The following ART4 variants were observed in gnomAD, a reference collection of about 807,000 sequenced individuals.
ART4 encodes ecto-ADP-ribosyltransferase 4.
In ART4, 14 loss-of-function variants were observed where a neutral mutation model predicts 24.2. The observed-to-expected ratio is 0.58, with a 90% CI of 0.38 to 0.90. The LOEUF is 0.90. ART4 is among the 40% of genes least tolerant of loss of function. The probability of loss-of-function intolerance (pLI) is 0.00; values close to 1 mark genes in which losing one functional copy is unlikely to be tolerated. For missense variants in ART4, 356 were observed against 366.6 expected, an observed-to-expected ratio of 0.97 and a Z score of 0.24; for synonymous variants, 145 against 139.9, an observed-to-expected ratio of 1.04 and a Z score of -0.26.
intron 2 of ART4, among the ~76,000 whole-genome samples, chr12:14,830,986 G>A (rs1379666816): frequency 6.6e-6 from 1 of 151,552 alleles, no homozygotes; most frequent in African/African-American, 2.4e-5. Flanking sequence ...AAGATCACAA[G>A]GATTTCCAGT....
chr12:14,839,916 A>G (rs186393845), intron 2 of ART4, among the ~76,000 whole-genome samples: 5 of 152,278 alleles, frequency 3.3e-5, no homozygotes, highest in African/African-American at 1.2e-4. Flanking sequence ...AATATTTGGT[A>G]TATCACTTAG....
At chr12:14,832,240 C>G (rs1218151159) in intron 2 of ART4, among the ~76,000 whole-genome samples, 1 of 152,156 alleles carries the variant, frequency 6.6e-6, no homozygotes, top group Non-Finnish European at 1.5e-5. Context: ...CATCTTCTGT[C>G]TTCGCTTTCT....
intron 2 of ART4, among the ~76,000 whole-genome samples, chr12:14,832,065 TTCTCTGC>T (rs1476760177): frequency 6.6e-6 from 1 of 152,094 alleles, no homozygotes; most frequent in African/African-American, 2.4e-5. Context: ...CCTACTTGGT[TTCTCTGC>T]TTACCTCATT....
intron 2 of ART4, among the ~76,000 whole-genome samples, chr12:14,838,577 T>C (rs1240763475): frequency 6.6e-6 from 1 of 152,202 alleles, no homozygotes; most frequent in Admixed American, 6.5e-5. Context: ...CCTGTGTCTG[T>C]GGGGCAGATA....
At chr12:14,837,476 A>G (rs1950438379) in intron 2 of ART4, among the ~76,000 whole-genome samples, 1 of 152,206 alleles carries the variant, frequency 6.6e-6, no homozygotes, top group Admixed American at 6.5e-5. Flanking sequence ...ACACTAATTT[A>G]CCATTATTAT....
intron 2 of ART4, among the ~76,000 whole-genome samples, chr12:14,832,513 C>T (rs988844536): frequency 6.6e-6 from 1 of 152,148 alleles, no homozygotes; most frequent in African/African-American, 2.4e-5. Context: ...TATGTACCAC[C>T]TACTAACTAC....
At chr12:14,829,811 G>C (rs1227329796) in intron 2 of ART4, among the ~76,000 whole-genome samples, 1 of 152,078 alleles carries the variant, frequency 6.6e-6, no homozygotes, top group Admixed American at 6.5e-5. Context: ...AACACAGACT[G>C]AATGCTGATT....
rs746923412 is a variant in ART4 at position 14,840,767 on chromosome 12, C to A, written c.531G>T (p.Glu177Asp). 5 of 1,614,180 alleles carry A rather than the reference C, an allele frequency of 3.1e-6. No individual in the cohort carries two copies. In the Admixed American group the frequency reaches 5.0e-5, roughly 16 times the overall value. ...IQLLRKDSIM[E>D]NGTLCYEVHY... ...GCACCTCATAGCACAGAGTGCCATTCTCCATGATGCTGTCTTTCCTCAGCA... is the reference window on the plus strand; with the variant it reads ...GCACCTCATAGCACAGAGTGCCATTATCCATGATGCTGTCTTTCCTCAGCA... Residue 177 changes from glutamate to aspartate, a missense_variant, in exon 2 of 3, where the codon GAG (glutamate) becomes GAT (aspartate). Glu to Asp is a conservative substitution (Grantham distance 45, BLOSUM62 2). Transcript: ENST00000228936.
At chr12:14,830,115 T>A (rs1283890134) in intron 2 of ART4, among the ~76,000 whole-genome samples, 1 of 136,036 alleles carries the variant, frequency 7.4e-6, no homozygotes, top group African/African-American at 2.9e-5. Context: ...ACAATCCTGT[T>A]TGGAGTGTGT....
intron 1 of ART4, 200 bp from the exon 2 acceptor site, chr12:14,841,353 T>G (rs1179768597): frequency 2.0e-6 from 1 of 493,570 alleles, no homozygotes; most frequent in Admixed American, 3.8e-5. Flanking sequence ...GTTTGATAAA[T>G]AAATTACTGA....
Position 14,826,019 on chromosome 12 carries a change from T to C in ART4, c.*3352A>G, listed in dbSNP as rs1462340385. ...AGTACTCCTTACAGCACAGTCTCTG[T>C]TAACAGTTGCATGAATTTACACATA... On this transcript the variant is annotated 3_prime_UTR_variant, in exon 3 of 3. Coordinates refer to ENST00000228936, the MANE Select transcript of ART4 (RefSeq NM_021071.4). 6.6e-6 allele frequency: 1 copy of C among 152,240 alleles called. No homozygotes were observed. The highest frequency in any genetic ancestry group is 1.5e-5 in the Non-Finnish European group (1 of 68,040). The allele number at this position is 152,240 out of a possible 1,614,324, so 9.4% of individuals were successfully genotyped here.
chr12:14,829,184 A>G lies in ART4; in HGVS notation c.*187T>C. On this transcript the variant is annotated 3_prime_UTR_variant, in exon 3 of 3. Coordinates refer to ENST00000228936, the MANE Select transcript of ART4 (RefSeq NM_021071.4). ...AAGAGTACTTAGGGTGCCCAGATTG[A>G]AATAAGGCAAAGGGGTACAAGGAAA... 1 of 430,172 alleles carries G rather than the reference A, an allele frequency of 2.3e-6. No homozygotes were observed. Among genetic ancestry groups the G allele is most frequent in the Non-Finnish European group, 4.0e-6 (1 of 248,822 alleles). The allele number at this position is 430,172 out of a possible 1,614,324, so 26.6% of individuals were successfully genotyped here. A position where few individuals can be genotyped will look rare whatever the true frequency, so the allele number is the denominator to read the frequency against.
At position 14,843,188 on chromosome 12, in the gene ART4, A is replaced by C; in HGVS notation, c.-75T>G. 1 of 1,583,190 alleles carries C rather than the reference A, an allele frequency of 6.3e-7. No homozygotes were observed. Among genetic ancestry groups the C allele is most frequent in the South Asian group, 1.2e-5 (1 of 85,966 alleles). On this transcript the variant is annotated 5_prime_UTR_variant, in exon 1 of 3. Transcript: ENST00000228936. ...GATGAATTCTCAGAGTTCTCCTTTG[A>C]GGTTTTCTTTCAGTCTCATCCGTAA...
At chr12:14,835,075 C>G (rs562864132) in intron 2 of ART4, among the ~76,000 whole-genome samples, 2 of 152,150 alleles carry the variant, frequency 1.3e-5, no homozygotes, top group Admixed American at 6.5e-5. Context: ...AGTGGTCTTT[C>G]CAGTATCACG....
Position 14,843,034 on chromosome 12 carries a change from A to G in ART4, c.80T>C (p.Leu27Pro), listed in dbSNP as rs1346266971. The part of the protein sequence containing the change: ...VPPATMRIWL[L>P]GGLLPFLLLL... ...CAGCAGGAATGGCAGCAGGCCTCCA[A>G]GGAGCCAGATTCTCATCGTTGCAGG... Residue 27 changes from leucine to proline, a missense_variant, in exon 1 of 3, where the codon CTT becomes CCT. Physicochemically the swap from Leu to Pro is moderately conservative, Grantham distance 98 (BLOSUM62 -3). Coordinates refer to ENST00000228936, the MANE Select transcript of ART4 (RefSeq NM_021071.4). 1 of 1,614,090 alleles carries G rather than the reference A, an allele frequency of 6.2e-7. No individual in the cohort carries two copies. Among genetic ancestry groups the G allele is most frequent in the Non-Finnish European group, 8.5e-7 (1 of 1,179,984 alleles).
At chr12:14,830,665 A>ATATG (rs1950390340) in intron 2 of ART4, among the ~76,000 whole-genome samples, 2 of 90,952 alleles carry the variant, frequency 2.2e-5, no homozygotes, top group Non-Finnish European at 4.4e-5. Context: ...ATATATATAT[A>ATATG]TATATATATA....
intron 2 of ART4, 28 bp from the exon 3 acceptor site, chr12:14,829,490 T>C (rs1474026869): frequency 7.7e-6 from 12 of 1,555,710 alleles, no homozygotes; most frequent in Non-Finnish European, 1.1e-5. Context: ...AAGGAAATAT[T>C]TTAGGTAGCA....
Position 14,830,677 on chromosome 12 carries a change from A to G in ART4, c.854-1215T>C, listed in dbSNP as rs867841256. Among the ~76,000 whole-genome samples the G allele has an allele frequency of 1.2e-3, 127 of 109,140 alleles. 13 individuals are homozygous for G. Among genetic ancestry groups the G allele is most frequent in the Non-Finnish European group, 1.3e-3 (66 of 52,474 alleles). The allele number at this position is 109,140 out of a possible 152,430, so 71.6% of individuals were successfully genotyped here. On this transcript the variant is annotated intron_variant, in intron 2 of 2. Coordinates refer to ENST00000228936, the MANE Select transcript of ART4 (RefSeq NM_021071.4). ...TATATATATATATATATATATATAT[A>G]TATATATATATATATATATATACAG...
intron 2 of ART4, among the ~76,000 whole-genome samples, chr12:14,831,960 G>T (rs1336541004): frequency 1.3e-5 from 2 of 151,860 alleles, no homozygotes; most frequent in African/African-American, 4.8e-5. Context: ...TTCACTTCCA[G>T]TGTGTCAGGA....
Sources: gnomAD v4.1 joint callset for allele counts (sites outside exome capture counted in the v4.1 genomes callset) on GRCh38, gnomAD v4.1.1 for gene constraint, MANE v1.5 for transcripts, NCBI Gene and HGNC (gene_info 2026-07-23, HGNC 2026-07-21) for gene names.